Variants in ESR1 observed in about 807,000 individuals in gnomAD.
ESR1 encodes the protein estrogen receptor 1.
ESR1 carries 12 observed loss-of-function variants against 52.7 expected under a neutral mutation model. The ratio of observed to expected loss-of-function variants is 0.23; its 90% CI spans 0.15 to 0.37. The LOEUF is 0.37. Ranked by LOEUF, ESR1 falls within the 10% of genes least tolerant of loss-of-function variation. The pLI, the probability that ESR1 is intolerant of heterozygous loss-of-function variation, is 1.00. For missense variants in ESR1, 584 were observed against 779.7 expected (o/e 0.75, Z 2.99); for synonymous variants, 305 against 316.8 (o/e 0.96, Z 0.39).
intron 1 of ESR1, among the ~76,000 whole-genome samples, chr6:151,827,190 T>C (rs191718558): frequency 6.6e-6 from 1 of 151,528 alleles, no homozygotes; most frequent in Admixed American, 6.6e-5. Context: ...TAGCCAGATG[T>C]GGTAGCATGC....
Position 151,981,671 on chromosome 6 carries a change from C to T in ESR1, c.1097-29985C>T, listed in dbSNP as rs928183019. Among the ~76,000 whole-genome samples, 19 of 152,126 alleles carry T rather than the reference C, an allele frequency of 1.2e-4. No homozygotes were observed. The East Asian group carries it at 3.7e-3, about 29-fold the overall frequency. ...TAAAAACTCTGTTTTGAAATTAAAC[C>T]TAAGACTATAAGATTGTCTGTTTAA... is the stretch of plus-strand genomic sequence containing the variant. On this transcript the variant is annotated intron_variant, in intron 4 of 7. Transcript: ENST00000206249.
chr6:152,037,425 G>A (rs2045404558), intron 5 of ESR1, among the ~76,000 whole-genome samples: 2 of 152,178 alleles, frequency 1.3e-5, no homozygotes, highest in Non-Finnish European at 2.9e-5. Flanking sequence ...TGGATGGAGT[G>A]GAAAGGTTCA....
intron 2 of ESR1, among the ~76,000 whole-genome samples, chr6:151,847,750 T>A (rs1334896661): frequency 8.7e-6 from 1 of 114,652 alleles, no homozygotes; most frequent in African/African-American, 3.4e-5. Context: ...TTTAATTAGA[T>A]CCCATTTGTC....
intron 2 of ESR1, among the ~76,000 whole-genome samples, chr6:151,868,995 C>A (rs1790465104): frequency 6.6e-6 from 1 of 152,104 alleles, no homozygotes; most frequent in African/African-American, 2.4e-5. Context: ...ACCGTCTTTT[C>A]TATTTTCTCC....
chr6:151,982,661 T>G (rs2040108113), intron 4 of ESR1, among the ~76,000 whole-genome samples: 1 of 151,984 alleles, frequency 6.6e-6, no homozygotes, highest in Admixed American at 6.6e-5. Flanking sequence ...ATTTTTTGTA[T>G]TTTTAGTAGA....
chr6:151,713,386 T>C (rs1018157913), intron 2 of ESR1, among the ~76,000 whole-genome samples: 3 of 152,198 alleles, frequency 2.0e-5, no homozygotes, highest in African/African-American at 4.8e-5. Flanking sequence ...TCTTTTTCTA[T>C]TGTTTGGAAT....
At chr6:152,092,951 T>C (rs1262765622) in intron 6 of ESR1, among the ~76,000 whole-genome samples, 2 of 152,172 alleles carry the variant, frequency 1.3e-5, no homozygotes, top group East Asian at 3.9e-4. Context: ...GAAGGATATA[T>C]GAAAGCTCAA....
At chr6:151,671,689 C>A (rs1311974828) in intron 1 of ESR1, among the ~76,000 whole-genome samples, 1 of 152,094 alleles carries the variant, frequency 6.6e-6, no homozygotes, top group Admixed American at 6.5e-5. Context: ...CTTAAAAGTT[C>A]TTTTTAAAAT....
At chr6:151,762,941 AAAAC>A (rs756985463) in intron 2 of ESR1, among the ~76,000 whole-genome samples, 25 of 152,236 alleles carry the variant, frequency 1.6e-4, no homozygotes, top group South Asian at 1.0e-3. Flanking sequence ...CTCCATCTCA[AAAAC>A]AAACAAACAA....
At chr6:151,665,155 T>A (rs1777775774) in intron 1 of ESR1, among the ~76,000 whole-genome samples, 1 of 152,188 alleles carries the variant, frequency 6.6e-6, no homozygotes, top group Admixed American at 6.5e-5. Context: ...AGAATTAATA[T>A]TCTTTGCAAA....
chr6:151,799,181 A>G (rs532525216), intron 2 of ESR1, among the ~76,000 whole-genome samples: 1 of 152,344 alleles, frequency 6.6e-6, no homozygotes, highest in East Asian at 1.9e-4. Context: ...GGTGGGATAG[A>G]AAGAAGGAGG....
intron 2 of ESR1, among the ~76,000 whole-genome samples, chr6:151,850,464 A>G (rs1786457267): frequency 6.6e-6 from 1 of 151,308 alleles, no homozygotes; most frequent in South Asian, 2.1e-4. Context: ...AGAAGGAGAA[A>G]GAAAGAGAGG....
chr6:151,762,150 G>A (rs527912026), intron 2 of ESR1, among the ~76,000 whole-genome samples: 54 of 152,260 alleles, frequency 3.5e-4, no homozygotes, highest in African/African-American at 1.1e-3. Flanking sequence ...TTCTAACACC[G>A]CTTTCAGGTG....
chr6:151,878,986 A>G (rs931940008), intron 2 of ESR1, among the ~76,000 whole-genome samples: 1 of 152,126 alleles, frequency 6.6e-6, no homozygotes, highest in East Asian at 1.9e-4. Flanking sequence ...GGGAGCGTAC[A>G]TTCTGAGTGA....
At chr6:151,790,942 A>G (rs1776093525) in intron 2 of ESR1, among the ~76,000 whole-genome samples, 1 of 152,184 alleles carries the variant, frequency 6.6e-6, no homozygotes, top group African/African-American at 2.4e-5. Context: ...AAACCTAACT[A>G]TGTAATGTTG....
chr6:151,693,500 T>C (rs1436824689), intron 1 of ESR1, among the ~76,000 whole-genome samples: 1 of 152,218 alleles, frequency 6.6e-6, no homozygotes, highest in Admixed American at 6.5e-5. Flanking sequence ...AACAAAAAAA[T>C]CTTGCTGAGA....
chr6:151,974,061 CTTTA>C (rs921749855), intron 4 of ESR1, among the ~76,000 whole-genome samples: 51 of 152,114 alleles, frequency 3.4e-4, no homozygotes, highest in African/African-American at 1.2e-3. Context: ...TCTGATAAAA[CTTTA>C]TTTAAAAATG....
At chr6:151,970,850 C>T (rs2038836115) in intron 4 of ESR1, among the ~76,000 whole-genome samples, 1 of 152,202 alleles carries the variant, frequency 6.6e-6, no homozygotes, top group South Asian at 2.1e-4. Context: ...GTGCCCATTT[C>T]TGTGTTTCAA....
chr6:151,671,643 T>G (rs750529159), intron 1 of ESR1, among the ~76,000 whole-genome samples: 4 of 152,206 alleles, frequency 2.6e-5, no homozygotes, highest in Admixed American at 2.6e-4. Flanking sequence ...TTAATAATGA[T>G]GCACTGTATA....
Sources: gnomAD v4.1 joint callset for allele counts (sites outside exome capture counted in the v4.1 genomes callset) on GRCh38, gnomAD v4.1.1 for gene constraint, MANE v1.5 for transcripts, NCBI Gene and HGNC (gene_info 2026-07-23, HGNC 2026-07-21) for gene names.